The following LPP variants were observed in gnomAD, a reference collection of about 807,000 sequenced individuals.
LPP encodes lipoma-preferred partner.
Under a neutral mutation model 60.4 loss-of-function variants are expected in LPP, and 38 were observed. That is an observed-to-expected ratio of 0.63 (90% confidence interval 0.49 to 0.83). The LOEUF (loss-of-function observed/expected upper bound fraction) is 0.83. Ranked by LOEUF, LPP falls within the 40% of genes least tolerant of loss-of-function variation. LPP has a pLI of 0.00. For synonymous variants in LPP, 328 were observed against 290.8 expected (o/e 1.13, Z -1.30); for missense variants, 902 against 783.6 (o/e 1.15, Z -1.80).
chr3:188,486,017 C>A (rs1177321953), intron 5 of LPP, among the ~76,000 whole-genome samples: 1 of 151,836 alleles, frequency 6.6e-6, no homozygotes, highest in Non-Finnish European at 1.5e-5. Flanking sequence ...TTAATTTTAT[C>A]ATTTGTTTTA....
At chr3:188,186,621 A>T (rs1370620689) in intron 1 of LPP, among the ~76,000 whole-genome samples, 2 of 151,782 alleles carry the variant, frequency 1.3e-5, no homozygotes, top group Non-Finnish European at 2.9e-5. Flanking sequence ...AGGTGCTATA[A>T]TACAGGCTTA....
intron 4 of LPP, among the ~76,000 whole-genome samples, chr3:188,461,055 TAGAAATATGCC>T (rs1468512399): frequency 6.6e-6 from 1 of 152,188 alleles, no homozygotes; most frequent in Non-Finnish European, 1.5e-5. Flanking sequence ...CTCCAGAGGA[TAGAAATATGCC>T]AGAATACAGA....
rs749505857 is a variant in LPP at position 188,760,268 on chromosome 3, G to A, written c.1396G>A (p.Glu466Lys). 1.7e-5 allele frequency: 27 copies of A among 1,613,874 alleles called. No homozygotes were observed. The highest frequency in any genetic ancestry group is 1.1e-4 in the South Asian group (10 of 91,082). Reference protein sequence around the residue: ...FYAVEKKAYCEPCYINTLEQC... With the variant: ...FYAVEKKAYCKPCYINTLEQC... ...TGCTGTGGAAAAGAAAGCATACTGC[G>A]AGCCCTGCTACATTGTAAGTTCCAG... Residue 466 changes from glutamate to lysine, a missense_variant, in exon 9 of 12, where the codon GAG becomes AAG. Transcript: ENST00000617246.
chr3:188,759,227 A>G (rs1468486087), intron 8 of LPP: 1 of 152,246 alleles, frequency 6.6e-6, no homozygotes, highest in Non-Finnish European at 1.5e-5. Context: ...AGCTTACTGC[A>G]AATTTTAAAA....
At chr3:188,211,419 C>G (rs547725942) in intron 1 of LPP, among the ~76,000 whole-genome samples, 2 of 152,098 alleles carry the variant, frequency 1.3e-5, no homozygotes, top group African/African-American at 4.8e-5. Context: ...AACAGTAGAA[C>G]GAGATCACTA....
chr3:188,539,926 A>C (rs942653795), intron 6 of LPP, among the ~76,000 whole-genome samples: 1 of 152,114 alleles, frequency 6.6e-6, no homozygotes, highest in Admixed American at 6.5e-5. Flanking sequence ...TCCTCATATA[A>C]AACTTGGAAG....
chr3:188,418,071 C>T (rs773908133), intron 4 of LPP, among the ~76,000 whole-genome samples: 2 of 152,154 alleles, frequency 1.3e-5, no homozygotes, highest in Non-Finnish European at 1.5e-5. Flanking sequence ...TTTTAGAGCA[C>T]TTTCTCACAT....
intron 6 of LPP, among the ~76,000 whole-genome samples, chr3:188,552,718 T>C (rs1186286147): frequency 6.6e-6 from 1 of 152,208 alleles, no homozygotes; most frequent in Non-Finnish European, 1.5e-5. Context: ...CATGTCTCTC[T>C]GACCACAGCT....
At chr3:188,512,561 A>AAAT (rs1330716156) in intron 5 of LPP, among the ~76,000 whole-genome samples, 1 of 148,874 alleles carries the variant, frequency 6.7e-6, no homozygotes, top group African/African-American at 2.5e-5. Context: ...CCCGGTCTAT[A>AAAT]AATAAATAAA....
intron 8 of LPP, among the ~76,000 whole-genome samples, chr3:188,734,317 A>G (rs576102727): frequency 2.0e-5 from 3 of 152,210 alleles, no homozygotes; most frequent in South Asian, 2.1e-4. Flanking sequence ...ATGTTATTCT[A>G]TTTTTTAATT....
chr3:188,316,644 G>A (rs921426226), intron 2 of LPP, among the ~76,000 whole-genome samples: 3 of 152,122 alleles, frequency 2.0e-5, no homozygotes, highest in Non-Finnish European at 4.4e-5. Flanking sequence ...ATGCAGAGCT[G>A]GGGGGAAGCC....
At chr3:188,649,091 G>A (rs1851616595) in intron 7 of LPP, among the ~76,000 whole-genome samples, 2 of 152,170 alleles carry the variant, frequency 1.3e-5, no homozygotes, top group Non-Finnish European at 2.9e-5. Flanking sequence ...TAGCAGGAAT[G>A]TTCCATTTTC....
rs186658175 is a variant in LPP, at chr3:188,607,165, A to T, written c.430-1996A>T. Among the ~76,000 whole-genome samples the T allele has an allele frequency of 5.0e-3, 627 of 125,462 alleles. 9 individuals carry two copies. The highest frequency in any genetic ancestry group is 0.018 in the African/African-American group (596 of 33,840). 82.3% of individuals were successfully genotyped at this position (125,462 alleles called of 152,430 possible). A position where few individuals can be genotyped will look rare whatever the true frequency, so the allele number is the denominator to read the frequency against. ...CACACACACACACACACACACACAC[A>T]CTATTTAAACATCCTGAAGTCTTTG... is the stretch of plus-strand genomic sequence containing the variant. On this transcript the variant is annotated intron_variant, in intron 6 of 11. Coordinates refer to ENST00000617246, the MANE Select transcript of LPP (RefSeq NM_001375462.1).
At chr3:188,419,541 CT>C (rs1335805471) in intron 4 of LPP, among the ~76,000 whole-genome samples, 1 of 152,188 alleles carries the variant, frequency 6.6e-6, no homozygotes, top group African/African-American at 2.4e-5. Context: ...TCTTAATTCT[CT>C]GGAAACTTGG....
rs1771044473 is a variant in LPP at position 188,889,649 on chromosome 3, A to G, written c.*15170A>G. 4.4e-6 allele frequency: 1 copy of G among 225,256 alleles called. No individual in the cohort carries two copies. The highest frequency in any genetic ancestry group is 8.9e-6 in the Non-Finnish European group (1 of 112,934). 14.0% of individuals were successfully genotyped at this position (225,256 alleles called of 1,614,324 possible). A position where few individuals can be genotyped will look rare whatever the true frequency, so the allele number is the denominator to read the frequency against. ...GGACAAACTATGGAAGATGGACTCC[A>G]TGCCATTGCAGTCAGCCACCATTCT... On this transcript the variant is annotated 3_prime_UTR_variant, in exon 12 of 12. Coordinates refer to ENST00000617246, the MANE Select transcript of LPP (RefSeq NM_001375462.1).
At chr3:188,484,008 A>G (rs932812583) in intron 4 of LPP, among the ~76,000 whole-genome samples, 6 of 151,948 alleles carry the variant, frequency 3.9e-5, no homozygotes, top group Middle Eastern at 6.3e-3. Flanking sequence ...CCTGTGTCCC[A>G]TGTTTTTCCT....
At chr3:188,414,776 C>T (rs1704786527) in intron 4 of LPP, among the ~76,000 whole-genome samples, 1 of 152,118 alleles carries the variant, frequency 6.6e-6, no homozygotes. Flanking sequence ...ATTTAATCTT[C>T]ATTTCAGAGA....
intron 6 of LPP, among the ~76,000 whole-genome samples, chr3:188,607,247 C>T (rs1389987691): frequency 6.6e-6 from 1 of 151,036 alleles, no homozygotes; most frequent in Non-Finnish European, 1.5e-5. Context: ...GGAAATACCT[C>T]ACTATTAGAG....
intron 5 of LPP, among the ~76,000 whole-genome samples, chr3:188,522,869 ATGTT>A (rs1239951911): frequency 1.4e-5 from 2 of 143,118 alleles, no homozygotes; most frequent in South Asian, 2.2e-4. Context: ...GTATATATAT[ATGTT>A]TGAGACATAT....
Sources: gnomAD v4.1 joint callset for allele counts (sites outside exome capture counted in the v4.1 genomes callset) on GRCh38, gnomAD v4.1.1 for gene constraint, MANE v1.5 for transcripts, NCBI Gene and HGNC (gene_info 2026-07-23, HGNC 2026-07-21) for gene names.